The following TRA2B variants were observed in gnomAD, a reference collection of about 807,000 sequenced individuals.
The protein encoded by TRA2B is transformer 2 beta homolog.
TRA2B carries 14 observed loss-of-function variants against 41.7 expected under a neutral mutation model. That is an observed-to-expected ratio of 0.34 (90% confidence interval 0.22 to 0.53). The LOEUF is 0.53. Ranked by LOEUF, TRA2B falls within the 20% of genes least tolerant of loss-of-function variation. The probability of loss-of-function intolerance (pLI) is 0.95; values close to 1 mark genes in which losing one functional copy is unlikely to be tolerated. For synonymous variants in TRA2B, 130 were observed against 128.8 expected (o/e 1.01, Z -0.06); for missense variants, 167 against 396.8 (o/e 0.42, Z 4.92).
intron 1 of TRA2B, chr3:185,934,375 TC>T: frequency 1.0e-6 from 1 of 985,312 alleles, no homozygotes; most frequent in Non-Finnish European, 1.2e-6. Context: ...CATTAACACT[TC>T]CCCCACCACC....
rs200394064 is a variant in TRA2B, at chr3:185,937,806, C to G, written c.36+19G>C. On this transcript the variant is annotated intron_variant, in intron 1 of 8. Transcript: ENST00000453386. ...GGAGCTAGGACCACACAGCCACCCC[C>G]TACCGCAGCTCTACGTACCCGCTCG... 1.2e-6 allele frequency: 2 copies of G among 1,614,128 alleles called. No homozygotes were observed. The highest frequency in any genetic ancestry group is 2.2e-5 in the South Asian group (2 of 91,092).
chr3:185,922,281 T>C (rs1743771996), intron 4 of TRA2B, 155 bp from the exon 5 acceptor site: 1 of 461,926 alleles, frequency 2.2e-6, no homozygotes, highest in Non-Finnish European at 3.9e-6. Flanking sequence ...AAATGTGTTG[T>C]TCCCTCTACT....
At position 185,919,475 on chromosome 3, in the gene TRA2B, TCCTCCTCCTCCA is replaced by T; in HGVS notation, c.732_743del (p.Gly246_Gly249del). On this transcript the variant is annotated inframe_deletion, in exon 7 of 9. Transcript: ENST00000453386. ...CCCTGTCTTGGGCAGCTCTCCATCC[TCCTCCTCCTCCA>T]CCTCCTCCTCTGTGAAGACAGAAAG... The T allele has an allele frequency of 6.2e-7, 1 of 1,613,264 alleles. No homozygotes were observed. Among genetic ancestry groups the T allele is most frequent in the Non-Finnish European group, 8.5e-7 (1 of 1,179,710 alleles).
chr3:185,923,263 G>A (rs1743809575), intron 4 of TRA2B: 1 of 152,418 alleles, frequency 6.6e-6, no homozygotes. Context: ...GGCAAGAAGA[G>A]TGAAACTCCG....
intron 1 of TRA2B, chr3:185,927,242 G>GAT (rs1743986403): frequency 6.6e-6 from 1 of 152,250 alleles, no homozygotes; most frequent in African/African-American, 2.4e-5. Context: ...TAAAGATGAT[G>GAT]ATCTCAGTTT....
intron 1 of TRA2B, chr3:185,935,363 CCA>C (rs1744308007): frequency 1.0e-6 from 1 of 985,174 alleles, no homozygotes; most frequent in African/African-American, 1.7e-5. Context: ...AAAATAAATC[CCA>C]CAGACCAACG....
intron 1 of TRA2B, among the ~76,000 whole-genome samples, chr3:185,929,835 C>G (rs575595223): frequency 1.3e-5 from 2 of 152,318 alleles, no homozygotes; most frequent in African/African-American, 4.8e-5. Flanking sequence ...TAGTCAACCT[C>G]AGAAGTTACA....
chr3:185,931,914 A>G, intron 1 of TRA2B: 1 of 1,213,480 alleles, frequency 8.2e-7, no homozygotes, highest in Non-Finnish European at 1.1e-6. Flanking sequence ...TCCAGTGCCA[A>G]AACTGAAACT....
intron 5 of TRA2B, 70 bp downstream of exon 5, chr3:185,921,930 GCTGAAGACTTT>G (rs1300621416): frequency 1.0e-6 from 1 of 999,048 alleles, no homozygotes; most frequent in Non-Finnish European, 1.5e-6. Flanking sequence ...AAACCTAAGT[GCTGAAGACTTT>G]CCACTAATAC....
chr3:185,929,747 A>G (rs535911741), intron 1 of TRA2B, among the ~76,000 whole-genome samples: 1 of 152,326 alleles, frequency 6.6e-6, no homozygotes, highest in Non-Finnish European at 1.5e-5. Context: ...GGTTTGTTAG[A>G]TTTAAAATAG....
intron 5 of TRA2B, among the ~76,000 whole-genome samples, chr3:185,921,768 C>CA (rs1285777139): frequency 1.4e-4 from 21 of 151,882 alleles, no homozygotes; most frequent in Non-Finnish European, 2.6e-4. Flanking sequence ...CGTCTCAAAA[C>CA]AAAACAAAAA....
chr3:185,936,839 C>T, intron 1 of TRA2B: 1 of 985,388 alleles, frequency 1.0e-6, no homozygotes, highest in Non-Finnish European at 1.2e-6. Flanking sequence ...GCCCCACAGA[C>T]CAGCTACGTA....
intron 4 of TRA2B, chr3:185,922,337 T>C: frequency 2.5e-6 from 1 of 400,204 alleles, no homozygotes; most frequent in Non-Finnish European, 4.5e-6. Flanking sequence ...GAAACAATTA[T>C]TTTACCTAAC....
At chr3:185,935,617 C>T in intron 1 of TRA2B, 2 of 985,384 alleles carry the variant, frequency 2.0e-6, no homozygotes, top group Non-Finnish European at 2.4e-6. Context: ...TACATTAAGA[C>T]CCAGTTCAGA....
At chr3:185,923,296 TTCTTCCTC>T (rs1376888598) in intron 4 of TRA2B, 2 of 152,344 alleles carry the variant, frequency 1.3e-5, no homozygotes, top group African/African-American at 4.8e-5. Flanking sequence ...TGTTTCTCAG[TTCTTCCTC>T]TTCTCTATAC....
chr3:185,937,532 C>A (rs780625914), intron 1 of TRA2B: 7 of 1,001,044 alleles, frequency 7.0e-6, no homozygotes, highest in African/African-American at 1.7e-5. Context: ...TCCCCCAACA[C>A]CGCGGGGACG....
At chr3:185,929,160 T>C (rs1020628454) in intron 1 of TRA2B, 1 of 152,186 alleles carries the variant, frequency 6.6e-6, no homozygotes, top group Non-Finnish European at 1.5e-5. Context: ...CACCTAAACG[T>C]CTCGATCCTT....
intron 1 of TRA2B, chr3:185,928,903 G>A (rs908131375): frequency 9.9e-5 from 15 of 152,100 alleles, no homozygotes; most frequent in Non-Finnish European, 2.1e-4. Flanking sequence ...AAGATGCTTC[G>A]GCAGCCTGTC....
At chr3:185,935,125 A>G (rs1744298716) in intron 1 of TRA2B, 1 of 985,404 alleles carries the variant, frequency 1.0e-6, no homozygotes, top group African/African-American at 1.7e-5. Context: ...TTTTTATTCA[A>G]CTTCTTGTAA....
Sources: gnomAD v4.1 joint callset for allele counts (sites outside exome capture counted in the v4.1 genomes callset) on GRCh38, gnomAD v4.1.1 for gene constraint, MANE v1.5 for transcripts, NCBI Gene and HGNC (gene_info 2026-07-23, HGNC 2026-07-21) for gene names.